The following MDGA2 variants were observed in gnomAD, a reference collection of about 807,000 sequenced individuals.
The protein encoded by MDGA2 is MAM domain-containing glycosylphosphatidylinositol anchor protein 2.
A neutral mutation model predicts 117.8 loss-of-function variants in MDGA2; 40 were observed. The ratio of observed to expected loss-of-function variants is 0.34; its 90% CI spans 0.26 to 0.44. The LOEUF is 0.44. MDGA2 is among the 20% of genes least tolerant of loss of function. The pLI is 1.00. For synonymous variants in MDGA2, 452 were observed against 439.0 expected (o/e 1.03, Z -0.37); for missense variants, 1,123 against 1,250.6 (o/e 0.90, Z 1.54).
At chr14:47,518,330 C>T (rs1305271456) in intron 1 of MDGA2, among the ~76,000 whole-genome samples, 1 of 151,804 alleles carries the variant, frequency 6.6e-6, no homozygotes, top group African/African-American at 2.4e-5. Context: ...AACAATAATG[C>T]AATTTTAAAA....
At chr14:47,521,244 T>TG (rs1226061295) in intron 1 of MDGA2, among the ~76,000 whole-genome samples, 1 of 152,182 alleles carries the variant, frequency 6.6e-6, no homozygotes, top group Non-Finnish European at 1.5e-5. Flanking sequence ...AATCTGGATG[T>TG]GGGGGATCAG....
intron 11 of MDGA2, among the ~76,000 whole-genome samples, chr14:46,877,872 G>A (rs1566504055): frequency 6.6e-6 from 1 of 151,794 alleles, no homozygotes; most frequent in Non-Finnish European, 1.5e-5. Context: ...CTATAATCTA[G>A]GTGATTTAAA....
At chr14:47,210,936 T>C (rs896217403) in intron 3 of MDGA2, among the ~76,000 whole-genome samples, 5 of 152,134 alleles carry the variant, frequency 3.3e-5, no homozygotes, top group Non-Finnish European at 7.3e-5. Context: ...TGAGCTATGA[T>C]TGTACTGCTG....
intron 1 of MDGA2, among the ~76,000 whole-genome samples, chr14:47,664,742 A>C (rs1897911192): frequency 6.6e-6 from 1 of 152,248 alleles, no homozygotes; most frequent in Non-Finnish European, 1.5e-5. Flanking sequence ...AAAGAACGAA[A>C]TGATTTTAGT....
chr14:46,896,847 A>C (rs1484519441), intron 10 of MDGA2, among the ~76,000 whole-genome samples: 3 of 152,164 alleles, frequency 2.0e-5, no homozygotes, highest in Non-Finnish European at 4.4e-5. Flanking sequence ...TTACTCATTA[A>C]CAATTTTTAG....
intron 1 of MDGA2, among the ~76,000 whole-genome samples, chr14:47,537,740 T>C (rs1401070246): frequency 2.0e-5 from 3 of 152,120 alleles, no homozygotes; most frequent in African/African-American, 7.2e-5. Context: ...CCATTGATCC[T>C]GTGCAAAAGA....
intron 2 of MDGA2, among the ~76,000 whole-genome samples, chr14:47,290,361 C>T (rs1271425667): frequency 2.0e-5 from 3 of 152,018 alleles, no homozygotes; most frequent in Admixed American, 1.3e-4. Context: ...AAAGCAAGCC[C>T]TCATCATACA....
At chr14:47,079,444 T>G (rs17118036) in intron 6 of MDGA2, among the ~76,000 whole-genome samples, 29,321 of 152,116 alleles carry the variant, frequency 0.19, 3,491 homozygotes, top group East Asian at 0.5. Flanking sequence ...CCCTTGTTCT[T>G]AACACTATTT....
intron 3 of MDGA2, among the ~76,000 whole-genome samples, chr14:47,157,123 C>T (rs984951281): frequency 2.0e-5 from 3 of 152,026 alleles, no homozygotes; most frequent in African/African-American, 7.2e-5. Context: ...TTTGATAAAT[C>T]GATGGGAAAT....
intron 1 of MDGA2, among the ~76,000 whole-genome samples, chr14:47,419,849 G>A (rs1284475076): frequency 1.3e-5 from 2 of 151,962 alleles, no homozygotes; most frequent in Admixed American, 1.3e-4. Flanking sequence ...AATTGGAGAG[G>A]TCTTTTTATT....
At chr14:47,369,565 C>G (rs1444264741) in intron 1 of MDGA2, among the ~76,000 whole-genome samples, 1 of 152,146 alleles carries the variant, frequency 6.6e-6, no homozygotes, top group South Asian at 2.1e-4. Flanking sequence ...CAGCCATCTC[C>G]CCGGTCCCGA....
intron 1 of MDGA2, among the ~76,000 whole-genome samples, chr14:47,605,267 C>T (rs1200167686): frequency 6.6e-6 from 1 of 152,070 alleles, no homozygotes; most frequent in African/African-American, 2.4e-5. Context: ...CAGATGAAGG[C>T]AATCATTCTT....
In MDGA2 at chr14:47,301,627, T is replaced by A. The variant is rs182871288; in HGVS notation, c.281-77A>T. 1.4e-5 allele frequency: 21 copies of A among 1,461,022 alleles called. No homozygotes were observed. The Admixed American group carries it at 2.2e-4, about 15-fold the overall frequency. 90.5% of individuals were successfully genotyped at this position (1,461,022 alleles called of 1,614,324 possible). On this transcript the variant is annotated intron_variant, in intron 1 of 16. Coordinates refer to ENST00000399232, the MANE Select transcript of MDGA2 (RefSeq NM_001113498.3). ...ATCTTCTCATGAACCATCTTGACTA[T>A]AAAAGCAATTCTTATTAGACTTCAC...
At chr14:47,092,121 G>T (rs1334824874) in intron 6 of MDGA2, among the ~76,000 whole-genome samples, 1 of 152,142 alleles carries the variant, frequency 6.6e-6, no homozygotes, top group Non-Finnish European at 1.5e-5. Flanking sequence ...ACAATAGAAA[G>T]ACTATTTTAA....
At chr14:47,597,961 G>A (rs935005303) in intron 1 of MDGA2, among the ~76,000 whole-genome samples, 1 of 151,772 alleles carries the variant, frequency 6.6e-6, no homozygotes, top group Non-Finnish European at 1.5e-5. Context: ...GACATTGAGC[G>A]TGCGTATAAA....
intron 3 of MDGA2, among the ~76,000 whole-genome samples, chr14:47,183,006 A>G (rs1479736587): frequency 6.6e-6 from 1 of 152,134 alleles, no homozygotes; most frequent in Non-Finnish European, 1.5e-5. Flanking sequence ...TTTAGCTGAC[A>G]TATCTCCTAA....
chr14:47,489,440 A>G (rs1894124483), intron 1 of MDGA2, among the ~76,000 whole-genome samples: 1 of 152,086 alleles, frequency 6.6e-6, no homozygotes, highest in Non-Finnish European at 1.5e-5. Context: ...ACAGGAATAA[A>G]CAAGATATTT....
chr14:47,441,193 G>C (rs1264079727), intron 1 of MDGA2, among the ~76,000 whole-genome samples: 1 of 152,118 alleles, frequency 6.6e-6, no homozygotes, highest in Non-Finnish European at 1.5e-5. Flanking sequence ...GGCAAGATTT[G>C]ATCAAGCAGA....
chr14:47,624,146 C>T (rs1897098834), intron 1 of MDGA2, among the ~76,000 whole-genome samples: 2 of 152,286 alleles, frequency 1.3e-5, no homozygotes, highest in Non-Finnish European at 2.9e-5. Flanking sequence ...TGAAGGTCCT[C>T]GTTCCTTTTG....
Sources: gnomAD v4.1 joint callset for allele counts (sites outside exome capture counted in the v4.1 genomes callset) on GRCh38, gnomAD v4.1.1 for gene constraint, MANE v1.5 for transcripts, NCBI Gene and HGNC (gene_info 2026-07-23, HGNC 2026-07-21) for gene names.